The following MGAT5B variants were observed in gnomAD, a reference collection of about 807,000 sequenced individuals.
The protein encoded by MGAT5B is alpha-1,6-mannosylglycoprotein 6-beta-N-acetylglucosaminyltransferase B.
In MGAT5B, 54 loss-of-function variants were observed where a neutral mutation model predicts 95.1. The observed-to-expected ratio is 0.57, with a 90% CI of 0.46 to 0.71. The LOEUF (loss-of-function observed/expected upper bound fraction) is 0.71. Among genes scored for constraint, MGAT5B ranks in the 30% least tolerant of loss-of-function variants. MGAT5B has a pLI of 0.00. For missense variants in MGAT5B, 935 were observed against 1,088.6 expected, an observed-to-expected ratio of 0.86 and a Z score of 1.99; for synonymous variants, 464 against 451.0, an observed-to-expected ratio of 1.03 and a Z score of -0.36.
rs78657875 is a variant in MGAT5B at position 76,912,017 on chromosome 17, G to T, written c.1025+5830G>T. On this transcript the variant is annotated intron_variant, in intron 8 of 17. Transcript: ENST00000569840. This position sits in a 1 kb window ranked among gnomAD's most constrained non-coding sequence, Gnocchi z 5.0. ...TGAGGAACTTGGTGACCCTTGTCCT[G>T]CAGCTACATCTCTACAATCATCTCT... Among the ~76,000 whole-genome samples the T allele has an allele frequency of 6.0e-3, 918 of 152,294 alleles. 12 individuals carry two copies. The highest frequency in any genetic ancestry group is 0.021 in the African/African-American group (880 of 41,560).
chr17:76,911,729 T>C (rs941629410), intron 8 of MGAT5B, among the ~76,000 whole-genome samples: 6 of 152,164 alleles, frequency 3.9e-5, no homozygotes, highest in African/African-American at 1.2e-4. Flanking sequence ...GATACATAAA[T>C]GCAGGCCTTT....
At chr17:76,894,176 A>G (rs1014694884) in intron 3 of MGAT5B, among the ~76,000 whole-genome samples, 1 of 152,168 alleles carries the variant, frequency 6.6e-6, no homozygotes, top group African/African-American at 2.4e-5. Flanking sequence ...CCCGCCAGGA[A>G]CATCCTCTCC....
chr17:76,898,313 C>T (rs377509563), intron 3 of MGAT5B, among the ~76,000 whole-genome samples: 1 of 150,576 alleles, frequency 6.6e-6, no homozygotes, highest in East Asian at 2.0e-4. Context: ...AATGGAGTCA[C>T]AGAGTACATA....
At chr17:76,922,311 C>CA (rs1292638237) in intron 8 of MGAT5B, among the ~76,000 whole-genome samples, 1 of 152,126 alleles carries the variant, frequency 6.6e-6, no homozygotes, top group Non-Finnish European at 1.5e-5. Context: ...GAGGAGCAGC[C>CA]ACCCCCTTCC....
chr17:76,934,854 G>C (rs188065543), intron 12 of MGAT5B, among the ~76,000 whole-genome samples: 4 of 152,172 alleles, frequency 2.6e-5, no homozygotes, highest in African/African-American at 7.2e-5. Context: ...TGGATGGAGA[G>C]AAAAATGAAA....
intron 1 of MGAT5B, 121 bp from the exon 2 acceptor site, chr17:76,872,730 C>T: frequency 6.4e-7 from 1 of 1,571,270 alleles, no homozygotes; most frequent in South Asian, 1.1e-5. Context: ...TCCTTTCATT[C>T]TCCCTTGCTT....
chr17:76,891,547 T>C (rs1416086045), intron 3 of MGAT5B, among the ~76,000 whole-genome samples: 1 of 152,040 alleles, frequency 6.6e-6, no homozygotes, highest in Admixed American at 6.6e-5. Flanking sequence ...ACCCAGCTAA[T>C]ATTTTGTATT....
chr17:76,945,119 C>T (rs1969993684), intron 15 of MGAT5B, among the ~76,000 whole-genome samples: 1 of 151,986 alleles, frequency 6.6e-6, no homozygotes, highest in African/African-American at 2.4e-5. Flanking sequence ...TGCACTGGGC[C>T]TGAGAAGGTT....
intron 8 of MGAT5B, among the ~76,000 whole-genome samples, chr17:76,911,926 G>A (rs1251773792): frequency 6.6e-6 from 1 of 152,196 alleles, no homozygotes; most frequent in African/African-American, 2.4e-5. Context: ...GCAGGGCTGG[G>A]GCCTCCTGAG....
At chr17:76,897,678 TTTCTTTCTTTCTTTCTTTCTTTC>T (rs1204753430) in intron 3 of MGAT5B, among the ~76,000 whole-genome samples, 21 of 84,872 alleles carry the variant, frequency 2.5e-4, no homozygotes, top group African/African-American at 1.2e-3. Context: ...TCTTTCTTTC[TTTCTTTCTTTCTTTCTTTCTTTC>T]TTTCTTTCTT....
intron 12 of MGAT5B, 150 bp from the exon 13 acceptor site, chr17:76,937,838 C>T (rs1332549700): frequency 5.3e-5 from 42 of 799,730 alleles, no homozygotes; most frequent in South Asian, 3.8e-4. Context: ...CAGAGAGGGG[C>T]GGGGCCTTTC....
At chr17:76,921,910 A>G (rs565884303) in intron 8 of MGAT5B, among the ~76,000 whole-genome samples, 2 of 152,348 alleles carry the variant, frequency 1.3e-5, no homozygotes, top group East Asian at 1.9e-4. Context: ...CTGGTAGGGT[A>G]GTTGCTAAGA....
In MGAT5B at chr17:76,869,553, A is replaced by G. The variant is rs1351589606; in HGVS notation, c.68+456A>G. Among the ~76,000 whole-genome samples the G allele has an allele frequency of 6.6e-5, 10 of 150,530 alleles. No individual in the cohort carries two copies. In the South Asian group the frequency reaches 1.3e-3, roughly 19 times the overall value. On this transcript the variant is annotated intron_variant, in intron 1 of 17. Transcript: ENST00000569840. This position sits in a 1 kb window ranked among gnomAD's most constrained non-coding sequence, Gnocchi z 7.0. ...CTGCCCCTAGGTCGGCTACCCCCCA[A>G]CCCCTCCGCCTGTGCCACCCTCTCC...
intron 8 of MGAT5B, among the ~76,000 whole-genome samples, chr17:76,908,667 G>A (rs1968621722): frequency 6.6e-6 from 1 of 152,132 alleles, no homozygotes; most frequent in South Asian, 2.1e-4. Context: ...CATCCAATGT[G>A]TAATGATCAA....
At position 76,869,004 on chromosome 17, in the gene MGAT5B, GC is replaced by G; in HGVS notation, c.-25del. 1 of 1,612,566 alleles carries G rather than the reference GC, an allele frequency of 6.2e-7. No individual in the cohort carries two copies. Among genetic ancestry groups the G allele is most frequent in the Non-Finnish European group, 8.5e-7 (1 of 1,178,910 alleles). ...GACGGTGCGTCCGGCCTCGCCCGCGGCTGCTCGCACCAACAAGTTTGAACAA... is the reference window on the plus strand; with the variant it reads ...GACGGTGCGTCCGGCCTCGCCCGCGGTGCTCGCACCAACAAGTTTGAACAA... On this transcript the variant is annotated 5_prime_UTR_variant, in exon 1 of 18. Coordinates refer to ENST00000569840, the MANE Select transcript of MGAT5B (RefSeq NM_001199172.2). The surrounding 1 kb of genome is among the most constrained non-coding windows in gnomAD (Gnocchi z 7.0).
Position 76,906,268 on chromosome 17 carries a change from T to C in MGAT5B, c.1025+81T>C. ...AACCCCACCCCTCCCTCCCAGGGGC[T>C]GTGGGAGCACCTGCTCTGCCTGCAG... On this transcript the variant is annotated intron_variant, in intron 8 of 17. Transcript: ENST00000569840. This position sits in a 1 kb window ranked among gnomAD's most constrained non-coding sequence, Gnocchi z 4.6. 2.1e-6 allele frequency: 3 copies of C among 1,402,960 alleles called. No individual in the cohort carries two copies. The highest frequency in any genetic ancestry group is 2.9e-6 in the Non-Finnish European group (3 of 1,049,988). 86.9% of individuals were successfully genotyped at this position (1,402,960 alleles called of 1,614,324 possible). A position where few individuals can be genotyped will look rare whatever the true frequency, so the allele number is the denominator to read the frequency against.
intron 10 of MGAT5B, among the ~76,000 whole-genome samples, chr17:76,928,787 C>T (rs971042805): frequency 6.6e-6 from 1 of 152,058 alleles, no homozygotes; most frequent in Admixed American, 6.6e-5. Context: ...CATGGAGGAT[C>T]AGGGCACCGA....
In MGAT5B at chr17:76,926,481, C is replaced by T. The variant is rs1352972959; in HGVS notation, c.1158-116C>T. 3.0e-6 allele frequency: 3 copies of T among 1,000,582 alleles called. No homozygotes were observed. In the South Asian group the frequency reaches 4.9e-5, roughly 16 times the overall value. The allele number at this position is 1,000,582 out of a possible 1,614,324, so 62.0% of individuals were successfully genotyped here. A position where few individuals can be genotyped will look rare whatever the true frequency, so the allele number is the denominator to read the frequency against. ...GTCCTAGTCCAAGTGCTAACACACA[C>T]TGTGCTACTCTGACTCCACCACTGG... On this transcript the variant is annotated intron_variant, in intron 9 of 17. Coordinates refer to ENST00000569840, the MANE Select transcript of MGAT5B (RefSeq NM_001199172.2).
chr17:76,896,856 G>T (rs536861734), intron 3 of MGAT5B, among the ~76,000 whole-genome samples: 2 of 152,312 alleles, frequency 1.3e-5, no homozygotes, highest in South Asian at 4.1e-4. Context: ...TTCAGCAAGA[G>T]CAACGTGGTT....
Sources: allele counts gnomAD v4.1 joint callset (sites outside exome capture counted in the v4.1 genomes callset), GRCh38; gene constraint gnomAD v4.1.1; non-coding constraint Gnocchi (gnomAD v3.1); transcripts MANE v1.5; gene names NCBI Gene and HGNC (gene_info 2026-07-23, HGNC 2026-07-21).